The following OSBPL10 variants were observed in gnomAD, a reference collection of about 807,000 sequenced individuals.
The protein encoded by OSBPL10 is oxysterol-binding protein-related protein 10.
In OSBPL10, 49 loss-of-function variants were observed where a neutral mutation model predicts 81.7. That is an observed-to-expected ratio of 0.60 (90% CI 0.48 to 0.76). The LOEUF is 0.76. Ranked by LOEUF, OSBPL10 falls within the 30% of genes least tolerant of loss-of-function variation. The pLI is 0.00. For synonymous variants in OSBPL10, 419 were observed against 383.6 expected, an observed-to-expected ratio of 1.09 and a Z score of -1.08; for missense variants, 923 against 987.8, an observed-to-expected ratio of 0.93 and a Z score of 0.88.
intron 4 of OSBPL10, among the ~76,000 whole-genome samples, chr3:31,783,104 A>G (rs957940175): frequency 2.3e-5 from 3 of 130,196 alleles, no homozygotes; most frequent in Admixed American, 7.5e-5. Context: ...CTATATCAAT[A>G]TATCTATTAT....
chr3:31,689,696 A>G (rs1700894908), intron 7 of OSBPL10, among the ~76,000 whole-genome samples: 1 of 152,134 alleles, frequency 6.6e-6, no homozygotes, highest in Non-Finnish European at 1.5e-5. Flanking sequence ...ATGGTTTTAT[A>G]AAGAGGAGTT....
At chr3:31,750,977 G>A (rs537112678) in intron 4 of OSBPL10, among the ~76,000 whole-genome samples, 1 of 151,974 alleles carries the variant, frequency 6.6e-6, no homozygotes, top group East Asian at 1.9e-4. Flanking sequence ...ACAGATGCAC[G>A]TGCTCAGAGA....
chr3:31,854,360 G>A (rs1463519975), intron 3 of OSBPL10, among the ~76,000 whole-genome samples: 7 of 152,016 alleles, frequency 4.6e-5, no homozygotes, highest in African/African-American at 7.2e-5. Context: ...GGCTGCCATT[G>A]GCCCATAATG....
chr3:31,716,597 G>A (rs1297088592), intron 6 of OSBPL10, among the ~76,000 whole-genome samples: 1 of 152,220 alleles, frequency 6.6e-6, no homozygotes, highest in Non-Finnish European at 1.5e-5. Context: ...CAGCACAGGT[G>A]GTGTGCTACC....
intron 4 of OSBPL10, among the ~76,000 whole-genome samples, chr3:31,748,483 C>A (rs544731903): frequency 6.6e-6 from 1 of 152,054 alleles, no homozygotes; most frequent in African/African-American, 2.4e-5. Flanking sequence ...AGACAGCAGG[C>A]GCACTGTGTG....
intron 2 of OSBPL10, among the ~76,000 whole-genome samples, chr3:32,007,166 T>G (rs1699213321): frequency 6.6e-6 from 1 of 152,192 alleles, no homozygotes; most frequent in African/African-American, 2.4e-5. Flanking sequence ...TTAGGCATGA[T>G]GAAATTTTTG....
At chr3:31,805,477 C>A (rs1217642151) in intron 4 of OSBPL10, among the ~76,000 whole-genome samples, 1 of 152,152 alleles carries the variant, frequency 6.6e-6, no homozygotes, top group African/African-American at 2.4e-5. Context: ...GCCTGGTATT[C>A]CACATTCTCC....
chr3:31,988,992 T>G, intron 2 of OSBPL10: 1 of 1,535,134 alleles, frequency 6.5e-7, no homozygotes, highest in South Asian at 1.2e-5. Flanking sequence ...TGATAATTTG[T>G]TTCTCGGAAA....
rs554872414 is a variant in OSBPL10, at chr3:31,870,424, C to T, written c.537+6009G>A. 3.3e-5 allele frequency among the ~76,000 whole-genome samples: 5 copies of T among 152,332 alleles called. No homozygotes were observed. In the East Asian group the frequency reaches 7.7e-4, roughly 24 times the overall value. On this transcript the variant is annotated intron_variant, in intron 3 of 11. Coordinates refer to ENST00000396556, the MANE Select transcript of OSBPL10 (RefSeq NM_017784.5). ...CCCCTCCATGGGCTCCTGTGCGGCC[C>T]GAGCCTCCCCGACGAGCGCCGCCCC...
At chr3:32,016,975 AT>A (rs1455459408) in intron 2 of OSBPL10, among the ~76,000 whole-genome samples, 2 of 152,200 alleles carry the variant, frequency 1.3e-5, no homozygotes, top group African/African-American at 4.8e-5. Context: ...TTTACTCCTT[AT>A]TTCCTTGAAA....
intron 1 of OSBPL10, among the ~76,000 whole-genome samples, chr3:31,978,895 A>G (rs1698754669): frequency 6.6e-6 from 1 of 152,158 alleles, no homozygotes; most frequent in Non-Finnish European, 1.5e-5. Flanking sequence ...GTTTAAAATA[A>G]TGCAAAAGAA....
rs567345565 is a variant in OSBPL10, at chr3:31,943,529, G to C, written c.281+37370C>G. 1.9e-3 allele frequency among the ~76,000 whole-genome samples: 282 copies of C among 152,094 alleles called. 1 individual carries two copies. The highest frequency in any genetic ancestry group is 6.6e-3 in the African/African-American group (272 of 41,488). On this transcript the variant is annotated intron_variant, in intron 1 of 11. Coordinates refer to ENST00000396556, the MANE Select transcript of OSBPL10 (RefSeq NM_017784.5). Reference sequence around the variant, plus strand: ...ATAATTACACCACCCAGAGAAAGTCGCTGTTAATATTTCAGAATATTCCCT... The same window carrying C: ...ATAATTACACCACCCAGAGAAAGTCCCTGTTAATATTTCAGAATATTCCCT...
chr3:31,834,807 G>C (rs1700327772), intron 3 of OSBPL10, among the ~76,000 whole-genome samples: 1 of 152,146 alleles, frequency 6.6e-6, no homozygotes, highest in Non-Finnish European at 1.5e-5. Flanking sequence ...CAGTACTATG[G>C]ACAGTGTGGG....
rs1559413938 is a variant in OSBPL10 at position 31,683,689 on chromosome 3, T to TAC, written c.1669_1670dup (p.Trp558TyrfsTer16). ...TGCCCATGAACTTGCTTTTGGTCCA[T>TAC]ACATGAGTGTTGACGCACAGTCTCT... On this transcript the variant is annotated frameshift_variant, in exon 8 of 12. Transcript: ENST00000396556. LOFTEE classifies it high-confidence loss of function. 1 of 1,614,200 alleles carries TAC rather than the reference T, an allele frequency of 6.2e-7. No individual in the cohort carries two copies. Among genetic ancestry groups the TAC allele is most frequent in the Non-Finnish European group, 8.5e-7 (1 of 1,180,034 alleles).
chr3:31,974,977 G>T (rs1435696115), intron 1 of OSBPL10, among the ~76,000 whole-genome samples: 1 of 152,018 alleles, frequency 6.6e-6, no homozygotes, highest in Non-Finnish European at 1.5e-5. Flanking sequence ...ATTCACCTTG[G>T]GAAAACAGAC....
intron 4 of OSBPL10, among the ~76,000 whole-genome samples, chr3:31,773,987 C>A (rs1315952737): frequency 6.6e-6 from 1 of 151,976 alleles, no homozygotes; most frequent in Non-Finnish European, 1.5e-5. Flanking sequence ...CATGGTGAAA[C>A]CCCGTCTCTA....
chr3:31,833,737 A>ACACACACACACTCT (rs1491340793), intron 3 of OSBPL10, among the ~76,000 whole-genome samples: 3 of 139,958 alleles, frequency 2.1e-5, no homozygotes, highest in African/African-American at 8.3e-5. Context: ...ACACACACAC[A>ACACACACACACTCT]CTCTCTCTCT....
intron 4 of OSBPL10, among the ~76,000 whole-genome samples, chr3:31,760,893 A>G (rs1698015532): frequency 6.6e-6 from 1 of 152,210 alleles, no homozygotes; most frequent in Admixed American, 6.5e-5. Context: ...TTACGGTTCA[A>G]CAAACTCTCT....
At chr3:31,928,936 T>C (rs902774373) in intron 1 of OSBPL10, among the ~76,000 whole-genome samples, 1 of 152,176 alleles carries the variant, frequency 6.6e-6, no homozygotes, top group African/African-American at 2.4e-5. Context: ...TAAATATTGA[T>C]AGCATTTGAT....
Sources: allele counts gnomAD v4.1 joint callset (sites outside exome capture counted in the v4.1 genomes callset), GRCh38; gene constraint gnomAD v4.1.1; transcripts MANE v1.5; gene names NCBI Gene and HGNC (gene_info 2026-07-23, HGNC 2026-07-21).